The following R3HDM1 variants were observed in gnomAD, a reference collection of about 807,000 sequenced individuals.
The protein encoded by R3HDM1 is R3H domain containing 1.
A neutral mutation model predicts 141.1 loss-of-function variants in R3HDM1; 46 were observed. That is an observed-to-expected ratio of 0.33 (90% CI 0.26 to 0.42). The LOEUF (loss-of-function observed/expected upper bound fraction) is 0.42. R3HDM1 is among the 10% of genes least tolerant of loss of function. The pLI, the probability that R3HDM1 is intolerant of heterozygous loss-of-function variation, is 1.00. For missense variants in R3HDM1, 1,184 were observed against 1,368.3 expected, an observed-to-expected ratio of 0.87 and a Z score of 2.12; for synonymous variants, 435 against 472.9, an observed-to-expected ratio of 0.92 and a Z score of 1.04.
At chr2:135,621,772 C>T (rs1046461092) in intron 6 of R3HDM1, 164 bp downstream of exon 6, 2 of 972,842 alleles carry the variant, frequency 2.1e-6, no homozygotes, top group Non-Finnish European at 2.4e-6. Flanking sequence ...TGGTTTAACA[C>T]AGTTCCATAT....
intron 18 of R3HDM1, among the ~76,000 whole-genome samples, chr2:135,655,953 C>T (rs759377383): frequency 6.6e-6 from 1 of 152,040 alleles, no homozygotes; most frequent in Non-Finnish European, 1.5e-5. Flanking sequence ...GCCATGTTAA[C>T]AATACTAAGT....
intron 25 of R3HDM1, among the ~76,000 whole-genome samples, 182 bp downstream of exon 25, chr2:135,722,188 G>C (rs1026473681): frequency 7.9e-5 from 12 of 152,216 alleles, no homozygotes; most frequent in African/African-American, 2.7e-4. Flanking sequence ...AAGATGGTGT[G>C]CTGCTTGGCA....
chr2:135,652,925 C>T (rs1323542230), intron 18 of R3HDM1, among the ~76,000 whole-genome samples: 1 of 151,958 alleles, frequency 6.6e-6, no homozygotes, highest in Non-Finnish European at 1.5e-5. Context: ...TTAATATCCC[C>T]TTATGCTTTT....
chr2:135,702,915 T>C (rs2074427116), intron 21 of R3HDM1, among the ~76,000 whole-genome samples: 1 of 152,196 alleles, frequency 6.6e-6, no homozygotes, highest in Admixed American at 6.5e-5. Context: ...ACTGAAATTA[T>C]TGTTTAGCAG....
intron 24 of R3HDM1, among the ~76,000 whole-genome samples, chr2:135,720,304 C>T (rs1370644574): frequency 6.6e-6 from 1 of 152,178 alleles, no homozygotes; most frequent in African/African-American, 2.4e-5. Context: ...TGTGTTCACC[C>T]GGAAGGAGCC....
chr2:135,534,417 A>G (rs1007041457), intron 1 of R3HDM1, among the ~76,000 whole-genome samples: 73 of 152,296 alleles, frequency 4.8e-4, no homozygotes, highest in African/African-American at 1.7e-3. Flanking sequence ...AATTCTCCTT[A>G]TTTATCAACA....
chr2:135,629,089 G>A (rs1044623833), intron 7 of R3HDM1, among the ~76,000 whole-genome samples: 8 of 152,154 alleles, frequency 5.3e-5, no homozygotes, highest in African/African-American at 1.9e-4. Flanking sequence ...GGCCGAGGCG[G>A]GTGGATCACC....
chr2:135,682,161 T>C (rs1177000727), intron 21 of R3HDM1, among the ~76,000 whole-genome samples: 3 of 151,102 alleles, frequency 2.0e-5, no homozygotes, highest in African/African-American at 7.3e-5. Context: ...ATTGATGATT[T>C]ATCTACTTTT....
At chr2:135,666,980 G>T (rs1485736688) in intron 19 of R3HDM1, 1 of 461,728 alleles carries the variant, frequency 2.2e-6, no homozygotes, top group Non-Finnish European at 2.8e-6. Flanking sequence ...GCACAGTCTG[G>T]AAAAAAAATT....
intron 21 of R3HDM1, among the ~76,000 whole-genome samples, chr2:135,708,958 C>CAA (rs374959932): frequency 0.5 from 51,732 of 102,668 alleles, 15,351 homozygotes; most frequent in Non-Finnish European, 0.69. Context: ...AACTCTGTCT[C>CAA]AAAAAAAAAA....
chr2:135,581,451 TTGGTTGTGGAC>T (rs1453068453), intron 1 of R3HDM1: 1 of 945,392 alleles, frequency 1.1e-6, no homozygotes, highest in African/African-American at 1.8e-5. Flanking sequence ...CATTTCACCA[TTGGTTGTGGAC>T]TGTTGATTGA....
chr2:135,634,075 T>C (rs1363104718), intron 9 of R3HDM1, among the ~76,000 whole-genome samples: 4 of 152,170 alleles, frequency 2.6e-5, no homozygotes, highest in African/African-American at 7.2e-5. Flanking sequence ...CAGAACTAAA[T>C]AAAAATCTTT....
At chr2:135,663,042 A>G (rs374159228) in intron 19 of R3HDM1, among the ~76,000 whole-genome samples, 2 of 152,124 alleles carry the variant, frequency 1.3e-5, no homozygotes, top group Admixed American at 6.6e-5. Context: ...TCAACATGGC[A>G]AAATTTTTAT....
chr2:135,724,483 AATCCAC>A lies in R3HDM1; in HGVS notation c.*195_*200del. On this transcript the variant is annotated 3_prime_UTR_variant, in exon 27 of 27. Coordinates refer to ENST00000683871, the MANE Select transcript of R3HDM1 (RefSeq NM_001378107.1). ...ATGCATTTCACCCCACATGACTAGG[AATCCAC>A]ATCAGAATGATACAGAGTTAGCAGG... 1 of 527,170 alleles carries A rather than the reference AATCCAC, an allele frequency of 1.9e-6. No homozygotes were observed. The highest frequency in any genetic ancestry group is 3.3e-6 in the Non-Finnish European group (1 of 299,600). The allele number at this position is 527,170 out of a possible 1,614,324, so 32.7% of individuals were successfully genotyped here. A position where few individuals can be genotyped will look rare whatever the true frequency, so the allele number is the denominator to read the frequency against.
chr2:135,664,662 A>C (rs562592538), intron 19 of R3HDM1, among the ~76,000 whole-genome samples: 2 of 152,358 alleles, frequency 1.3e-5, no homozygotes, highest in East Asian at 3.9e-4. Flanking sequence ...CCAGTGGACC[A>C]CAACTGAAAT....
chr2:135,593,940 A>G (rs1426838743), intron 1 of R3HDM1, among the ~76,000 whole-genome samples: 1 of 152,044 alleles, frequency 6.6e-6, no homozygotes, highest in East Asian at 1.9e-4. Flanking sequence ...GGCTGGTCTC[A>G]ATCTTCTGAC....
At chr2:135,697,729 T>C (rs2073475743) in intron 21 of R3HDM1, among the ~76,000 whole-genome samples, 1 of 152,136 alleles carries the variant, frequency 6.6e-6, no homozygotes, top group African/African-American at 2.4e-5. Flanking sequence ...GATACATATA[T>C]ATGTGGTAAA....
intron 21 of R3HDM1, among the ~76,000 whole-genome samples, chr2:135,696,383 C>T (rs182866246): frequency 2.0e-5 from 3 of 152,268 alleles, no homozygotes; most frequent in Non-Finnish European, 2.9e-5. Flanking sequence ...CACAAGGCAA[C>T]TTTGGTGAGG....
intron 1 of R3HDM1, chr2:135,536,837 G>C (rs1410950784): frequency 8.4e-6 from 4 of 475,898 alleles, no homozygotes; most frequent in Non-Finnish European, 1.1e-5. Flanking sequence ...TCAGATCAGC[G>C]GTGGCATTAG....
Sources: allele counts gnomAD v4.1 joint callset (sites outside exome capture counted in the v4.1 genomes callset), GRCh38; gene constraint gnomAD v4.1.1; transcripts MANE v1.5; gene names NCBI Gene and HGNC (gene_info 2026-07-23, HGNC 2026-07-21).